The following ASPRV1 variants were observed in gnomAD, a reference collection of about 807,000 sequenced individuals.
The protein encoded by ASPRV1 is aspartic peptidase retroviral like 1.
In ASPRV1, 7 loss-of-function variants were observed where a neutral mutation model predicts 11.0. The observed-to-expected ratio is 0.64, with a 90% CI of 0.36 to 1.20. ASPRV1 has a LOEUF of 1.20. Among genes scored for constraint, ASPRV1 ranks in the 50% most tolerant of loss-of-function variants. The pLI, the probability that ASPRV1 is intolerant of heterozygous loss-of-function variation, is 0.02. For missense variants in ASPRV1, 299 were observed against 320.0 expected, an observed-to-expected ratio of 0.93 and a Z score of 0.50; for synonymous variants, 136 against 138.4, an observed-to-expected ratio of 0.98 and a Z score of 0.12.
the ASPRV1 span, among the ~76,000 whole-genome samples, chr2:70,028,812 C>T: frequency 2.0e-5 from 3 of 151,992 alleles, no homozygotes; most frequent in African/African-American, 7.2e-5. Flanking sequence ...CGTGGTGGCA[C>T]GAGCCTGTAG....
chr2:70,001,268 C>A, the ASPRV1 span, among the ~76,000 whole-genome samples: 1 of 152,104 alleles, frequency 6.6e-6, no homozygotes, highest in African/African-American at 2.4e-5. Flanking sequence ...AGAAACCATG[C>A]CTATAATCCC....
At chr2:69,942,639 A>C in the ASPRV1 span, 1 of 152,210 alleles carries the variant, frequency 6.6e-6, no homozygotes, top group Non-Finnish European at 1.5e-5. Flanking sequence ...CCCCATCCCT[A>C]GAATTGGTGC....
the ASPRV1 span, among the ~76,000 whole-genome samples, chr2:69,991,788 C>T: frequency 3.3e-5 from 5 of 152,108 alleles, no homozygotes; most frequent in Admixed American, 6.5e-5. Flanking sequence ...TCAGGCAATC[C>T]GCCCACCTCG....
At chr2:70,083,121 T>C in the ASPRV1 span, among the ~76,000 whole-genome samples, 477 of 152,290 alleles carry the variant, frequency 3.1e-3, 1 homozygote, top group African/African-American at 0.011. Flanking sequence ...CATTGGCTGT[T>C]TGGGGACAGA....
chr2:69,966,598 A>T (rs895725608), upstream of ASPRV1, among the ~76,000 whole-genome samples: 10 of 152,266 alleles, frequency 6.6e-5, no homozygotes. Flanking sequence ...TGAAATATTC[A>T]GGCAATCAAA....
chr2:70,073,467 A>G, the ASPRV1 span, among the ~76,000 whole-genome samples: 1 of 152,190 alleles, frequency 6.6e-6, no homozygotes, highest in Non-Finnish European at 1.5e-5. Context: ...TGTTTAGAAT[A>G]AGAGTACCTA....
chr2:70,014,261 A>G, the ASPRV1 span, among the ~76,000 whole-genome samples: 7 of 152,206 alleles, frequency 4.6e-5, no homozygotes, highest in South Asian at 2.1e-4. Flanking sequence ...TTTGAAAAGC[A>G]TATCTCTAGT....
chr2:70,055,318 A>G, the ASPRV1 span, among the ~76,000 whole-genome samples: 8 of 152,038 alleles, frequency 5.3e-5, no homozygotes, highest in Admixed American at 5.2e-4. Context: ...AAAAAAAAGA[A>G]AAAGACACGC....
chr2:69,982,039 CCA>C, the ASPRV1 span, among the ~76,000 whole-genome samples: 2 of 23,612 alleles, frequency 8.5e-5, no homozygotes, highest in Non-Finnish European at 1.3e-4. Context: ...TCTCATCTAT[CCA>C]TCCATCCATC....
chr2:69,938,594 C>T, the ASPRV1 span: 2 of 255,040 alleles, frequency 7.8e-6, 1 homozygote, highest in East Asian at 2.1e-4. Flanking sequence ...TCTTTGCTCT[C>T]CTCGTGTCCT....
chr2:70,006,473 G>A, the ASPRV1 span, among the ~76,000 whole-genome samples: 1 of 152,134 alleles, frequency 6.6e-6, no homozygotes, highest in African/African-American at 2.4e-5. Flanking sequence ...TAGCTGGGAG[G>A]TACCTTCAAA....
the ASPRV1 span, among the ~76,000 whole-genome samples, chr2:70,043,184 G>A: frequency 1.6e-4 from 24 of 152,254 alleles, no homozygotes; most frequent in East Asian, 2.5e-3. Flanking sequence ...TTGGGAGGCC[G>A]AGGCGGGTGT....
the ASPRV1 span, among the ~76,000 whole-genome samples, chr2:70,004,081 C>T: frequency 4.1e-3 from 622 of 152,208 alleles, 2 homozygotes; most frequent in African/African-American, 0.014. Context: ...CACTGGCTTA[C>T]GGGAGAGCCA....
At chr2:69,955,200 G>GGACCAGGTGGGCA (rs1228678649), downstream of ASPRV1, among the ~76,000 whole-genome samples, 1 of 151,404 alleles carries the variant, frequency 6.6e-6, no homozygotes, top group Non-Finnish European at 1.5e-5. Context: ...TCAGTGTAGA[G>GGACCAGGTGGGCA]GACCAGGTGG....
chr2:69,938,306 C>CT, the ASPRV1 span: 4 of 1,611,146 alleles, frequency 2.5e-6, no homozygotes, highest in South Asian at 3.3e-5. Context: ...CTGCGGCTGT[C>CT]TCCTTGAAGG....
At chr2:69,949,467 T>C in the ASPRV1 span, among the ~76,000 whole-genome samples, 2 of 152,062 alleles carry the variant, frequency 1.3e-5, no homozygotes, top group South Asian at 2.1e-4. Flanking sequence ...TACAGTACAG[T>C]GAGGGCCACA....
chr2:69,937,153 C>T, the ASPRV1 span: 2 of 1,565,720 alleles, frequency 1.3e-6, no homozygotes, highest in East Asian at 4.5e-5. Flanking sequence ...GCGCATTCCA[C>T]TGCTAGAAGG....
chr2:69,981,131 A>G, the ASPRV1 span, among the ~76,000 whole-genome samples: 11 of 152,358 alleles, frequency 7.2e-5, no homozygotes, highest in East Asian at 1.9e-3. Flanking sequence ...TTTACCCAGA[A>G]TTTCACTTCT....
the ASPRV1 span, chr2:70,056,625 A>AAAAAAAAAAAAAAAAAAAAAAAAAG: frequency 6.9e-6 from 1 of 145,210 alleles, no homozygotes; most frequent in Admixed American, 8.5e-5. Context: ...AAAAAAAAAA[A>AAAAAAAAAAAAAAAAAAAAAAAAAG]GTGGTTAAAA....
Sources: allele counts gnomAD v4.1 joint callset (sites outside exome capture counted in the v4.1 genomes callset), GRCh38; gene constraint gnomAD v4.1.1; transcripts MANE v1.5; gene names NCBI Gene and HGNC (gene_info 2026-07-23, HGNC 2026-07-21).